The following SEMA3E variants were observed in gnomAD, a reference collection of about 807,000 sequenced individuals.
SEMA3E encodes the protein semaphorin-3E.
Under a neutral mutation model 93.6 loss-of-function variants are expected in SEMA3E, and 49 were observed. The ratio of observed to expected loss-of-function variants is 0.52; its 90% confidence interval spans 0.42 to 0.66. The LOEUF is 0.66. Among genes scored for constraint, SEMA3E ranks in the 30% least tolerant of loss-of-function variants. SEMA3E has a pLI of 0.00. For synonymous variants in SEMA3E, 363 were observed against 330.7 expected, an observed-to-expected ratio of 1.10 and a Z score of -1.06; for missense variants, 906 against 964.8, an observed-to-expected ratio of 0.94 and a Z score of 0.81.
chr7:83,607,974 T>C (rs535205917), intron 1 of SEMA3E, among the ~76,000 whole-genome samples: 5 of 152,266 alleles, frequency 3.3e-5, no homozygotes, highest in African/African-American at 9.6e-5. Flanking sequence ...CCTAGCACTT[T>C]GGGAAGCCAA....
chr7:83,575,292 G>A (rs1472967789), intron 1 of SEMA3E, among the ~76,000 whole-genome samples: 1 of 151,258 alleles, frequency 6.6e-6, no homozygotes, highest in Non-Finnish European at 1.5e-5. Context: ...ATAGATCACA[G>A]TGTTATTACC....
At chr7:83,558,403 G>A (rs1208993929) in intron 1 of SEMA3E, among the ~76,000 whole-genome samples, 1 of 152,096 alleles carries the variant, frequency 6.6e-6, no homozygotes. Flanking sequence ...GTGGTCTACT[G>A]TGCTACTGGT....
rs191711676 is a variant in SEMA3E at position 83,366,688 on chromosome 7, G to C, written c.*898C>G. The C allele has an allele frequency of 6.6e-6, 1 of 151,936 alleles. No individual in the cohort carries two copies. Among genetic ancestry groups the C allele is most frequent in the African/African-American group, 2.4e-5 (1 of 41,362 alleles). 9.4% of individuals were successfully genotyped at this position (151,936 alleles called of 1,614,324 possible). ...AAGGATTAACATGTTTTTTATTTCA[G>C]TTATTTGTTTCTGCAAATGAACTTG... is the stretch of plus-strand genomic sequence containing the variant. On this transcript the variant is annotated 3_prime_UTR_variant, in exon 17 of 17. Coordinates refer to ENST00000643230, the MANE Select transcript of SEMA3E (RefSeq NM_012431.3).
chr7:83,615,320 A>G (rs1023863912), intron 1 of SEMA3E, among the ~76,000 whole-genome samples: 1 of 152,154 alleles, frequency 6.6e-6, no homozygotes, highest in Non-Finnish European at 1.5e-5. Context: ...ACTACAGGTG[A>G]CGTTCAATTC....
intron 5 of SEMA3E, among the ~76,000 whole-genome samples, chr7:83,409,622 T>C (rs529292298): frequency 3.2e-4 from 48 of 152,206 alleles, no homozygotes; most frequent in Middle Eastern, 3.4e-3. Flanking sequence ...TTAAGAGATT[T>C]CAAAATTAAT....
Position 83,367,694 on chromosome 7 carries a change from T to C in SEMA3E, c.2220A>G (p.Lys740=), listed in dbSNP as rs765040215. The C allele has an allele frequency of 1.3e-5, 21 of 1,613,962 alleles. No homozygotes were observed. The highest frequency in any genetic ancestry group is 1.7e-5 in the Admixed American group (1 of 59,984). ...EKVWCTDRKR[K]KLKMSPSKWK... ...ACTTGGAGGGTGACATTTTAAGCTT[T>C]TTCCTCTTTCTATCTGTGCACCATA... is the stretch of plus-strand genomic sequence containing the variant. The change falls in exon 17 of 17, where the codon AAA becomes AAG. Residue 740 remains lysine (K), a synonymous_variant. Transcript: ENST00000643230.
intron 1 of SEMA3E, among the ~76,000 whole-genome samples, chr7:83,546,795 C>T (rs1353614): frequency 0.33 from 50,705 of 151,824 alleles, 10,367 homozygotes; most frequent in African/African-American, 0.57. Context: ...TATGAGTGTA[C>T]GTATCTATTT....
chr7:83,640,663 A>G (rs1026659896), intron 1 of SEMA3E, among the ~76,000 whole-genome samples: 1 of 152,378 alleles, frequency 6.6e-6, no homozygotes, highest in East Asian at 1.9e-4. Context: ...GTGTTAAACA[A>G]AAATGAAACA....
At chr7:83,435,603 TAAAA>T (rs1195808198) in intron 4 of SEMA3E, among the ~76,000 whole-genome samples, 1 of 151,420 alleles carries the variant, frequency 6.6e-6, no homozygotes, top group African/African-American at 2.4e-5. Flanking sequence ...CCAAAAAAAA[TAAAA>T]TAAATAAAGA....
chr7:83,376,849 C>T (rs547392689), intron 16 of SEMA3E, among the ~76,000 whole-genome samples: 1 of 151,996 alleles, frequency 6.6e-6, no homozygotes, highest in African/African-American at 2.4e-5. Context: ...ACACATATTT[C>T]CTCTTAAATA....
chr7:83,586,990 A>G (rs1792642548), intron 1 of SEMA3E, among the ~76,000 whole-genome samples: 2 of 152,138 alleles, frequency 1.3e-5, no homozygotes, highest in South Asian at 4.1e-4. Context: ...TGTACATTGA[A>G]GGCTGTAAAA....
chr7:83,456,586 C>T (rs912478828), intron 4 of SEMA3E, among the ~76,000 whole-genome samples: 46 of 126,954 alleles, frequency 3.6e-4, no homozygotes, highest in African/African-American at 1.2e-3. Flanking sequence ...ATTTCTTTAA[C>T]GACTCTATTT....
chr7:83,388,224 G>T (rs889654880), intron 14 of SEMA3E, among the ~76,000 whole-genome samples: 2 of 148,582 alleles, frequency 1.3e-5, no homozygotes, highest in African/African-American at 4.9e-5. Flanking sequence ...CAGGAGAATC[G>T]CCTGAAACCG....
chr7:83,416,747 A>C (rs1788549162), intron 5 of SEMA3E, among the ~76,000 whole-genome samples: 1 of 151,966 alleles, frequency 6.6e-6, no homozygotes, highest in Admixed American at 6.6e-5. Flanking sequence ...TTTTTCAAAC[A>C]TATTAAAATC....
intron 4 of SEMA3E, among the ~76,000 whole-genome samples, chr7:83,454,022 G>A (rs2115830164): frequency 6.6e-6 from 1 of 151,738 alleles, no homozygotes; most frequent in East Asian, 1.9e-4. Flanking sequence ...ACTTTGGGAG[G>A]CCGAGGCGGG....
chr7:83,646,950 A>C (rs547229496), intron 1 of SEMA3E, among the ~76,000 whole-genome samples: 2 of 152,156 alleles, frequency 1.3e-5, no homozygotes, highest in Non-Finnish European at 2.9e-5. Context: ...TAAGAAAAAC[A>C]ATCAATTATA....
chr7:83,387,843 TA>T (rs1787911833), intron 14 of SEMA3E, among the ~76,000 whole-genome samples: 1 of 134,664 alleles, frequency 7.4e-6, no homozygotes, highest in Non-Finnish European at 1.5e-5. Context: ...TATAACGTTA[TA>T]TATATGTTTA....
At chr7:83,616,278 C>A in intron 1 of SEMA3E, among the ~76,000 whole-genome samples, 1 of 152,062 alleles carries the variant, frequency 6.6e-6, no homozygotes, top group East Asian at 1.9e-4. Flanking sequence ...TTTGAGGTAG[C>A]TAGGGCAATT....
Position 83,474,111 on chromosome 7 carries a change from A to AGG in SEMA3E, c.277-4810_277-4809insCC, listed in dbSNP as rs1562798143. On this transcript the variant is annotated intron_variant, in intron 2 of 16. Coordinates refer to ENST00000643230, the MANE Select transcript of SEMA3E (RefSeq NM_012431.3). Reference sequence around the variant, plus strand: ...TATCTCAATTAAAAAAAAAAAAAAAAAAAAAGAAAAATAAGACGTATGCTT... The same window carrying AGG: ...TATCTCAATTAAAAAAAAAAAAAAAAGGAAAAAGAAAAATAAGACGTATGCTT... Among the ~76,000 whole-genome samples the AGG allele has an allele frequency of 2.0e-3, 299 of 151,416 alleles. 3 individuals carry two copies. Among genetic ancestry groups the AGG allele is most frequent in the African/African-American group, 6.8e-3 (282 of 41,246 alleles).
Sources: gnomAD v4.1 joint callset for allele counts (sites outside exome capture counted in the v4.1 genomes callset) on GRCh38, gnomAD v4.1.1 for gene constraint, MANE v1.5 for transcripts, NCBI Gene and HGNC (gene_info 2026-07-23, HGNC 2026-07-21) for gene names.